CSMD1: variants seen among roughly 807,000 people sequenced by gnomAD.
CSMD1 encodes the protein CUB and sushi domain-containing protein 1.
A neutral mutation model predicts 417.5 loss-of-function variants in CSMD1; 213 were observed. The observed-to-expected ratio is 0.51, with a 90% CI of 0.46 to 0.57. The LOEUF (loss-of-function observed/expected upper bound fraction) is 0.57. Ranked by LOEUF, CSMD1 falls within the 20% of genes least tolerant of loss-of-function variation. CSMD1 has a pLI of 0.00. For synonymous variants in CSMD1, 2,862 were observed against 1,736.8 expected (o/e 1.65, Z -16.11); for missense variants, 6,923 against 4,529.7 (o/e 1.53, Z -15.17).
At chr8:4,908,313 C>T (rs1357181205) in intron 1 of CSMD1, among the ~76,000 whole-genome samples, 1 of 152,144 alleles carries the variant, frequency 6.6e-6, no homozygotes, top group African/African-American at 2.4e-5. Context: ...GTGCAGTATG[C>T]ATATGATATA....
At chr8:3,778,423 G>T (rs1325971896) in intron 5 of CSMD1, among the ~76,000 whole-genome samples, 1 of 152,172 alleles carries the variant, frequency 6.6e-6, no homozygotes, top group Non-Finnish European at 1.5e-5. Context: ...ACACTTAAAT[G>T]ATCTCTTTCC....
chr8:3,577,257 G>C, intron 9 of CSMD1, among the ~76,000 whole-genome samples: 1 of 152,246 alleles, frequency 6.6e-6, no homozygotes, highest in Non-Finnish European at 1.5e-5. Flanking sequence ...TTTTATTTGT[G>C]AAGTAACTTT....
intron 3 of CSMD1, among the ~76,000 whole-genome samples, chr8:4,144,491 T>G (rs916814978): frequency 1.3e-5 from 2 of 151,164 alleles, no homozygotes; most frequent in Non-Finnish European, 2.9e-5. Context: ...GGATATCCGC[T>G]TGAGGGCTCC....
At chr8:3,250,619 C>G (rs935929966) in intron 26 of CSMD1, among the ~76,000 whole-genome samples, 25 of 152,268 alleles carry the variant, frequency 1.6e-4, no homozygotes, top group East Asian at 1.2e-3. Context: ...TTCTAGGTCC[C>G]TGAGGAATCG....
chr8:3,817,551 T>C (rs1200994807), intron 5 of CSMD1, among the ~76,000 whole-genome samples: 3 of 152,044 alleles, frequency 2.0e-5, no homozygotes, highest in African/African-American at 4.8e-5. Flanking sequence ...AGCGCAGGGA[T>C]TGCAGGCATG....
intron 2 of CSMD1, among the ~76,000 whole-genome samples, chr8:4,476,255 C>A (rs961728243): frequency 6.6e-6 from 1 of 152,102 alleles, no homozygotes; most frequent in African/African-American, 2.4e-5. Flanking sequence ...AGATATTATA[C>A]TTTTTATTCA....
chr8:4,076,990 A>G (rs898925253), intron 3 of CSMD1, among the ~76,000 whole-genome samples: 1 of 152,188 alleles, frequency 6.6e-6, no homozygotes, highest in African/African-American at 2.4e-5. Flanking sequence ...AATGAAGAAT[A>G]AATTCCAGCT....
chr8:4,398,059 A>T (rs1361999499), intron 3 of CSMD1, among the ~76,000 whole-genome samples: 1 of 152,206 alleles, frequency 6.6e-6, no homozygotes, highest in Non-Finnish European at 1.5e-5. Flanking sequence ...AGAAATATCA[A>T]ATAGCTAGTA....
At chr8:4,661,684 T>C (rs746305404) in intron 1 of CSMD1, among the ~76,000 whole-genome samples, 1 of 152,210 alleles carries the variant, frequency 6.6e-6, no homozygotes, top group Non-Finnish European at 1.5e-5. Context: ...TGTTTACAAC[T>C]TCATGGGAAT....
intron 7 of CSMD1, among the ~76,000 whole-genome samples, chr8:3,663,854 C>G (rs1048808601): frequency 1.3e-5 from 2 of 152,128 alleles, no homozygotes; most frequent in African/African-American, 4.8e-5. Context: ...TTATCAGGAT[C>G]TTCTGAGGTT....
chr8:3,227,669 G>T (rs946403520), intron 27 of CSMD1, among the ~76,000 whole-genome samples: 1 of 151,738 alleles, frequency 6.6e-6, no homozygotes, highest in Non-Finnish European at 1.5e-5. Flanking sequence ...AAAACGAGTA[G>T]AAAATACATA....
At chr8:4,786,886 T>C (rs1797427283) in intron 1 of CSMD1, among the ~76,000 whole-genome samples, 1 of 152,192 alleles carries the variant, frequency 6.6e-6, no homozygotes, top group Non-Finnish European at 1.5e-5. Context: ...AGTGAAATGC[T>C]AAGAAATAAG....
chr8:4,130,998 T>A (rs932760961), intron 3 of CSMD1, among the ~76,000 whole-genome samples: 1 of 152,144 alleles, frequency 6.6e-6, no homozygotes, highest in African/African-American at 2.4e-5. Flanking sequence ...CTCTCCCTGC[T>A]GTTGGAATCT....
At chr8:3,865,656 T>A (rs1284389025) in intron 5 of CSMD1, among the ~76,000 whole-genome samples, 1 of 152,152 alleles carries the variant, frequency 6.6e-6, no homozygotes, top group East Asian at 1.9e-4. Flanking sequence ...TGAAATTCCA[T>A]CAGTCCTGTT....
chr8:3,725,359 T>C (rs1440195468), intron 6 of CSMD1, among the ~76,000 whole-genome samples: 2 of 152,026 alleles, frequency 1.3e-5, no homozygotes, highest in African/African-American at 4.8e-5. Flanking sequence ...AGGGAAACAA[T>C]GACAAAGAAC....
Position 3,751,324 on chromosome 8 carries a change from GTGTATA to G in CSMD1, c.931+2600_931+2605del, listed in dbSNP as rs1221918083. 2.3e-4 allele frequency among the ~76,000 whole-genome samples: 34 copies of G among 145,288 alleles called. 1 individual carries two copies. Among genetic ancestry groups the G allele is most frequent in the African/African-American group, 7.3e-4 (29 of 39,500 alleles). ...AGTGTGTGTGTGTGTGTGTGTGTGT[GTGTATA>G]TATATATATATACACGAACACACAT... On this transcript the variant is annotated intron_variant, in intron 6 of 69. Coordinates refer to ENST00000635120, the MANE Select transcript of CSMD1 (RefSeq NM_033225.6).
At chr8:3,184,966 A>G (rs1369968047) in intron 36 of CSMD1, among the ~76,000 whole-genome samples, 1 of 152,210 alleles carries the variant, frequency 6.6e-6, no homozygotes, top group African/African-American at 2.4e-5. Context: ...AGGTCCTGTC[A>G]CATCCCTGTT....
chr8:3,756,119 G>A (rs1797642203), intron 5 of CSMD1, among the ~76,000 whole-genome samples: 1 of 152,022 alleles, frequency 6.6e-6, no homozygotes, highest in African/African-American at 2.4e-5. Context: ...CATTTTGGGA[G>A]GCCGAGGCAG....
At chr8:4,799,371 T>C (rs1039819733) in intron 1 of CSMD1, among the ~76,000 whole-genome samples, 1 of 151,650 alleles carries the variant, frequency 6.6e-6, no homozygotes, top group Non-Finnish European at 1.5e-5. Context: ...TAGCCCTAGA[T>C]CATATAAGTG....
Sources: gnomAD v4.1 joint callset for allele counts (sites outside exome capture counted in the v4.1 genomes callset) on GRCh38, gnomAD v4.1.1 for gene constraint, MANE v1.5 for transcripts, NCBI Gene and HGNC (gene_info 2026-07-23, HGNC 2026-07-21) for gene names.